DPH6: variants seen among roughly 807,000 people sequenced by gnomAD.
DPH6 encodes diphthine--ammonia ligase.
Under a neutral mutation model 38.2 loss-of-function variants are expected in DPH6, and 33 were observed. That is an observed-to-expected ratio of 0.86 (90% CI 0.65 to 1.15). The LOEUF is 1.15. Among genes scored for constraint, DPH6 ranks in the 50% most tolerant of loss-of-function variants. DPH6 has a pLI of 0.00. For synonymous variants in DPH6, 108 were observed against 103.0 expected (o/e 1.05, Z -0.30); for missense variants, 325 against 320.0 (o/e 1.02, Z -0.12).
At chr15:35,536,153 C>A (rs1219159223) in intron 3 of DPH6, among the ~76,000 whole-genome samples, 1 of 151,904 alleles carries the variant, frequency 6.6e-6, no homozygotes, top group Non-Finnish European at 1.5e-5. Context: ...TTTCTAGATT[C>A]ATTTTTTTTC....
intron 3 of DPH6, among the ~76,000 whole-genome samples, chr15:35,337,147 A>G (rs1408858818): frequency 1.3e-5 from 2 of 152,130 alleles, no homozygotes; most frequent in African/African-American, 4.8e-5. Context: ...CTATTCAGAG[A>G]TTCAACTTCT....
At chr15:35,410,719 T>C in intron 6 of DPH6, 116 bp downstream of exon 6, 1 of 758,506 alleles carries the variant, frequency 1.3e-6, no homozygotes, top group South Asian at 2.1e-5. Flanking sequence ...ATAAATATAT[T>C]ATGAATGTAT....
At chr15:35,238,372 G>T (rs10519989) in intron 3 of DPH6, among the ~76,000 whole-genome samples, 4,010 of 152,082 alleles carry the variant, frequency 0.026, 74 homozygotes, top group Non-Finnish European at 0.04. Flanking sequence ...GGGAGTAGTT[G>T]TCTTCCTCAC....
the DPH6 span, among the ~76,000 whole-genome samples, chr15:35,183,921 A>C: frequency 6.6e-6 from 1 of 152,234 alleles, no homozygotes; most frequent in African/African-American, 2.4e-5. Context: ...TCTAAACATT[A>C]AAATCCTTTT....
intron 3 of DPH6, among the ~76,000 whole-genome samples, chr15:35,280,819 T>G (rs1409355110): frequency 6.6e-6 from 1 of 152,204 alleles, no homozygotes; most frequent in East Asian, 1.9e-4. Context: ...GAATCAGTTT[T>G]CAAAAGTTCA....
At chr15:35,335,771 GT>G (rs1317888529) in intron 3 of DPH6, among the ~76,000 whole-genome samples, 1 of 152,204 alleles carries the variant, frequency 6.6e-6, no homozygotes. Flanking sequence ...GTCCCATGAT[GT>G]TTTGGTTACT....
At chr15:35,530,444 T>TA (rs1219142899) in intron 3 of DPH6, among the ~76,000 whole-genome samples, 1 of 152,138 alleles carries the variant, frequency 6.6e-6, no homozygotes, top group Non-Finnish European at 1.5e-5. Flanking sequence ...GAGTAGATGA[T>TA]AAGATAGGAA....
At chr15:35,251,136 A>G (rs2051670811) in intron 3 of DPH6, among the ~76,000 whole-genome samples, 1 of 152,112 alleles carries the variant, frequency 6.6e-6, no homozygotes, top group South Asian at 2.1e-4. Context: ...CAATCTCCCA[A>G]ACTTGACATG....
chr15:35,440,264 A>G (rs984650899), intron 5 of DPH6, among the ~76,000 whole-genome samples: 1 of 152,196 alleles, frequency 6.6e-6, no homozygotes, highest in African/African-American at 2.4e-5. Flanking sequence ...AAAGAGGGCT[A>G]ACCAAAGCCA....
At chr15:35,275,071 C>A (rs372651675) in intron 3 of DPH6, among the ~76,000 whole-genome samples, 3 of 152,024 alleles carry the variant, frequency 2.0e-5, no homozygotes, top group Non-Finnish European at 4.4e-5. Flanking sequence ...CCCGCCACCA[C>A]GCCTGGCTAA....
At chr15:35,466,439 C>T (rs2054127481) in intron 3 of DPH6, among the ~76,000 whole-genome samples, 2 of 152,114 alleles carry the variant, frequency 1.3e-5, no homozygotes, top group African/African-American at 2.4e-5. Flanking sequence ...GCTTTCTGAA[C>T]TCATTCTCTA....
At chr15:35,425,658 T>C (rs2053559357) in intron 5 of DPH6, among the ~76,000 whole-genome samples, 1 of 130,036 alleles carries the variant, frequency 7.7e-6, no homozygotes, top group Admixed American at 7.5e-5. Context: ...ATAAGATATA[T>C]ATGGAAGTGT....
chr15:35,266,366 G>T (rs189037019), intron 3 of DPH6, among the ~76,000 whole-genome samples: 10 of 152,280 alleles, frequency 6.6e-5, no homozygotes, highest in African/African-American at 2.4e-4. Context: ...GCATGATCAG[G>T]TTAAGTATTC....
At chr15:35,422,639 G>A (rs142295634) in intron 5 of DPH6, among the ~76,000 whole-genome samples, 6 of 151,868 alleles carry the variant, frequency 4.0e-5, no homozygotes, top group African/African-American at 1.4e-4. Context: ...GTTAACTATA[G>A]ACACACTGTT....
intron 5 of DPH6, among the ~76,000 whole-genome samples, chr15:35,413,763 T>C (rs955523086): frequency 3.3e-5 from 5 of 151,746 alleles, no homozygotes; most frequent in African/African-American, 9.7e-5. Context: ...TTTTATATTA[T>C]ATGGCTGGAC....
chr15:35,283,028 CCTT>C lies in DPH6; in HGVS notation n.201-62449_201-62447del, dbSNP rs750202858. The C allele has an allele frequency of 2.4e-3, 482 of 201,272 alleles. 2 individuals are homozygous for C. Among genetic ancestry groups the C allele is most frequent in the East Asian group, 7.1e-3 (52 of 7,288 alleles). The allele number at this position is 201,272 out of a possible 1,614,324, so 12.5% of individuals were successfully genotyped here. On this transcript the variant is annotated intron_variant and non_coding_transcript_variant, in intron 3 of 3. Transcript: ENST00000560386. Reference sequence around the variant, plus strand: ...TCTTCTTCTTCCTCTTCCTCTTCTTCCTTCTTCTTCTTCTTCTTCCTTCTTCTT... The same window carrying C: ...TCTTCTTCTTCCTCTTCCTCTTCTTCCTTCTTCTTCTTCTTCCTTCTTCTT...
At chr15:35,447,081 C>A (rs1315460904) in intron 5 of DPH6, among the ~76,000 whole-genome samples, 1 of 151,904 alleles carries the variant, frequency 6.6e-6, no homozygotes, top group Non-Finnish European at 1.5e-5. Flanking sequence ...GTGTTAGACA[C>A]AATGGTCTCG....
chr15:35,453,926 T>C lies in DPH6; in HGVS notation c.386+821A>G, dbSNP rs182525361. Among the ~76,000 whole-genome samples, 703 of 152,230 alleles carry C rather than the reference T, an allele frequency of 4.6e-3. 9 individuals are homozygous for C. Among genetic ancestry groups the C allele is most frequent in the African/African-American group, 0.016 (650 of 41,556 alleles). On this transcript the variant is annotated intron_variant, in intron 4 of 8. Transcript: ENST00000256538. ...GCCATTATCTTATTCTATTTATCCT[T>C]TTGACTAGCAAAATCACTTATTTGT...
chr15:35,486,655 G>C (rs1043548276), intron 3 of DPH6, among the ~76,000 whole-genome samples: 3 of 151,938 alleles, frequency 2.0e-5, no homozygotes, highest in African/African-American at 7.3e-5. Flanking sequence ...ATTTGGGTGG[G>C]GACACAGAGC....
Sources: gnomAD v4.1 joint callset for allele counts (sites outside exome capture counted in the v4.1 genomes callset) on GRCh38, gnomAD v4.1.1 for gene constraint, MANE v1.5 for transcripts, NCBI Gene and HGNC (gene_info 2026-07-23, HGNC 2026-07-21) for gene names.